Variants in FSTL5 observed in about 807,000 individuals in gnomAD.
The protein encoded by FSTL5 is follistatin-related protein 5.
Under a neutral mutation model 89.1 loss-of-function variants are expected in FSTL5, and 62 were observed. The ratio of observed to expected loss-of-function variants is 0.70; its 90% CI spans 0.57 to 0.86. The LOEUF (loss-of-function observed/expected upper bound fraction) is 0.86. Ranked by LOEUF, FSTL5 falls within the 40% of genes least tolerant of loss-of-function variation. FSTL5 has a pLI of 0.00. For missense variants in FSTL5, 1,057 were observed against 1,001.6 expected (o/e 1.06, Z -0.75); for synonymous variants, 383 against 346.2 (o/e 1.11, Z -1.18).
At chr4:162,008,859 T>C (rs1736684055) in intron 3 of FSTL5, among the ~76,000 whole-genome samples, 1 of 152,014 alleles carries the variant, frequency 6.6e-6, no homozygotes, top group Non-Finnish European at 1.5e-5. Context: ...TATTTTAAAT[T>C]AAACAGGCTT....
chr4:161,897,824 C>T (rs1315919710), intron 4 of FSTL5, among the ~76,000 whole-genome samples: 1 of 151,198 alleles, frequency 6.6e-6, no homozygotes, highest in Admixed American at 6.6e-5. Flanking sequence ...TATACATCAT[C>T]ACAGTATCAT....
At chr4:161,489,682 A>C (rs1186354959) in intron 12 of FSTL5, among the ~76,000 whole-genome samples, 1 of 152,172 alleles carries the variant, frequency 6.6e-6, no homozygotes, top group Non-Finnish European at 1.5e-5. Flanking sequence ...ATTAAAACTA[A>C]AGAAAATAAT....
rs181662802 is a variant in FSTL5, at chr4:161,976,025, G to A, written c.161-55373C>T. On this transcript the variant is annotated intron_variant, in intron 3 of 15. Transcript: ENST00000306100. The stretch of plus-strand genomic sequence containing the variant: ...CCCAGCTACTCGGGAGGCTGAGGCA[G>A]GAGAATCGCGTGAACTCGGCAGGCG... Among the ~76,000 whole-genome samples the A allele has an allele frequency of 6.0e-3, 900 of 149,202 alleles. 7 individuals are homozygous for A. The highest frequency in any genetic ancestry group is 0.01 in the Non-Finnish European group (706 of 67,646).
intron 3 of FSTL5, among the ~76,000 whole-genome samples, chr4:161,928,044 A>G (rs1017394979): frequency 6.6e-6 from 1 of 151,760 alleles, no homozygotes; most frequent in African/African-American, 2.4e-5. Context: ...GACCATTATG[A>G]GCTCAAGTCA....
chr4:162,138,910 G>A (rs75342536), intron 1 of FSTL5, among the ~76,000 whole-genome samples: 1,892 of 151,876 alleles, frequency 0.012, 91 homozygotes, highest in East Asian at 0.12. Context: ...AGCCCTTTAC[G>A]GAAGAAATTA....
chr4:161,784,194 C>G (rs1741797510), intron 4 of FSTL5, among the ~76,000 whole-genome samples: 1 of 151,868 alleles, frequency 6.6e-6, no homozygotes, highest in Non-Finnish European at 1.5e-5. Context: ...ACTCAGCCTC[C>G]CAAAGTGCTT....
intron 8 of FSTL5, among the ~76,000 whole-genome samples, chr4:161,569,868 T>A (rs1732946911): frequency 6.6e-6 from 1 of 152,040 alleles, no homozygotes; most frequent in African/African-American, 2.4e-5. Flanking sequence ...AGAAATGTTT[T>A]AGTTGTCTAG....
intron 6 of FSTL5, among the ~76,000 whole-genome samples, chr4:161,741,832 C>T (rs2126772572): frequency 6.6e-6 from 1 of 151,990 alleles, no homozygotes; most frequent in East Asian, 1.9e-4. Flanking sequence ...GGACTACAGG[C>T]ACACACTGCC....
At position 161,500,036 on chromosome 4, in the gene FSTL5, C is replaced by T; in HGVS notation, c.1438G>A (p.Glu480Lys). 1 of 1,604,820 alleles carries T rather than the reference C, an allele frequency of 6.2e-7. No homozygotes were observed. Among genetic ancestry groups the T allele is most frequent in the Non-Finnish European group, 8.5e-7 (1 of 1,173,518 alleles). ...CEFQRHIKPS[E>K]KLLGFQDEVC... ...CTTGCCTGAAATCCAAGGAGCTTTTCACTAGGCTTAATGTGCCTCTGAAAT... is the reference window on the plus strand; with the variant it reads ...CTTGCCTGAAATCCAAGGAGCTTTTTACTAGGCTTAATGTGCCTCTGAAAT... Residue 480 changes from glutamate to lysine, a missense_variant, in exon 12 of 16, where the codon GAA (glutamate) becomes AAA (lysine). Physicochemically the swap from Glu to Lys is moderately conservative, Grantham distance 56. Around this residue, in one of 3 missense-constraint regions of FSTL5, gnomAD observed 980 missense variants for 903.2 expected, o/e 1.08. Transcript: ENST00000306100.
At chr4:161,567,053 A>G (rs947227506) in intron 8 of FSTL5, among the ~76,000 whole-genome samples, 1 of 152,160 alleles carries the variant, frequency 6.6e-6, no homozygotes, top group Admixed American at 6.6e-5. Context: ...GCTAAATAAC[A>G]TAAAGACTAA....
chr4:161,685,077 T>C (rs930654828), intron 6 of FSTL5, among the ~76,000 whole-genome samples: 1 of 152,176 alleles, frequency 6.6e-6, no homozygotes, highest in Non-Finnish European at 1.5e-5. Context: ...GGTTTATTAC[T>C]GGGTTCTTTA....
At chr4:161,925,123 T>C (rs1285785343) in intron 3 of FSTL5, among the ~76,000 whole-genome samples, 2 of 151,816 alleles carry the variant, frequency 1.3e-5, no homozygotes, top group African/African-American at 2.4e-5. Flanking sequence ...AAAAAATCCT[T>C]TAATGTAATA....
intron 3 of FSTL5, among the ~76,000 whole-genome samples, chr4:162,025,201 G>C (rs1288055814): frequency 6.6e-6 from 1 of 152,038 alleles, no homozygotes; most frequent in Non-Finnish European, 1.5e-5. Context: ...GTAACTTCAA[G>C]TTTGGAAAAT....
At chr4:161,440,972 T>C (rs529429005) in intron 15 of FSTL5, among the ~76,000 whole-genome samples, 6 of 152,128 alleles carry the variant, frequency 3.9e-5, no homozygotes, top group Non-Finnish European at 7.4e-5. Flanking sequence ...TACCTGATAC[T>C]TATAAGGTAA....
chr4:161,486,010 G>T (rs1194018428), intron 12 of FSTL5, among the ~76,000 whole-genome samples: 1 of 151,914 alleles, frequency 6.6e-6, no homozygotes, highest in African/African-American at 2.4e-5. Context: ...CAGGCACGGT[G>T]GTGCACGCCT....
chr4:162,007,924 A>C (rs1736657043), intron 3 of FSTL5, among the ~76,000 whole-genome samples: 2 of 151,886 alleles, frequency 1.3e-5, no homozygotes, highest in Non-Finnish European at 2.9e-5. Context: ...AAGTCATGAT[A>C]GTAGCTAACT....
chr4:161,972,502 T>C (rs924975682), intron 3 of FSTL5, among the ~76,000 whole-genome samples: 4 of 152,206 alleles, frequency 2.6e-5, no homozygotes, highest in Non-Finnish European at 5.9e-5. Context: ...AGCTGCTGCA[T>C]GGAGTGACCC....
intron 11 of FSTL5, among the ~76,000 whole-genome samples, chr4:161,504,526 T>C (rs930828081): frequency 6.6e-6 from 1 of 151,848 alleles, no homozygotes; most frequent in African/African-American, 2.4e-5. Context: ...CAAAAGCGCT[T>C]AGTCTTTTTT....
chr4:161,992,861 AATATATATATATATATAT>A lies in FSTL5; in HGVS notation c.160+40746_160+40763del, dbSNP rs1214124720. On this transcript the variant is annotated intron_variant, in intron 3 of 15. Transcript: ENST00000306100. ...AAACTCCATCTCAAAAAAAAAAAAA[AATATATATATATATATAT>A]ATATATATATATATATATGTGTGTG... 5.4e-3 allele frequency among the ~76,000 whole-genome samples: 414 copies of A among 76,200 alleles called. 16 individuals carry two copies. The highest frequency in any genetic ancestry group is 0.02 in the African/African-American group (378 of 18,554). 50.0% of individuals were successfully genotyped at this position (76,200 alleles called of 152,430 possible).
Sources: allele counts gnomAD v4.1 joint callset (sites outside exome capture counted in the v4.1 genomes callset), GRCh38; gene constraint gnomAD v4.1.1; regional missense constraint gnomAD v4.1.1; transcripts MANE v1.5; gene names NCBI Gene and HGNC (gene_info 2026-07-23, HGNC 2026-07-21).